Variants in ALG13 observed in about 807,000 individuals in gnomAD.
The protein encoded by ALG13 is UDP-N-acetylglucosamine transferase subunit ALG13.
ALG13 carries 11 observed loss-of-function variants against 87.8 expected under a neutral mutation model. The ratio of observed to expected loss-of-function variants is 0.13; its 90% CI spans 0.08 to 0.21. ALG13 has a LOEUF of 0.21. Among genes scored for constraint, ALG13 ranks in the 10% least tolerant of loss-of-function variants. The probability of loss-of-function intolerance (pLI) is 1.00; values close to 1 mark genes in which losing one functional copy is unlikely to be tolerated. For missense variants in ALG13, 756 were observed against 866.1 expected (o/e 0.87, Z 1.60); for synonymous variants, 320 against 306.3 (o/e 1.04, Z -0.47).
At chrX:111,690,046 A>G (rs2147785474) in intron 3 of ALG13, 1 of 741,900 alleles carries the variant, frequency 1.3e-6, no homozygotes, top group Non-Finnish European at 1.6e-6. Context: ...ACAGAATTGT[A>G]GACTTTTGGA....
At chrX:111,687,784 G>A in intron 3 of ALG13, 5 of 703,727 alleles carry the variant, frequency 7.1e-6, no homozygotes, top group East Asian at 4.1e-5. Context: ...GTTTTTAGAA[G>A]TACCACTATA....
rs1264667640 is a variant in ALG13 at position 111,682,074 on chromosome X, C to T, written c.82-58C>T. On this transcript the variant is annotated intron_variant, in intron 1 of 26. Transcript: ENST00000394780. The stretch of plus-strand genomic sequence containing the variant: ...CAAACTTTAGTAGTGGTGGTGGTTC[C>T]TGCTCTGTTTTACATAGCCAGTTTA... 15 of 1,058,927 alleles carry T rather than the reference C, an allele frequency of 1.4e-5. No individual in the cohort carries two copies. The East Asian group carries it at 4.3e-4, about 30-fold the overall frequency. 87.3% of individuals were successfully genotyped at this position (1,058,927 alleles called of 1,213,427 possible). A position where few individuals can be genotyped will look rare whatever the true frequency, so the allele number is the denominator to read the frequency against.
At chrX:111,737,595 G>A (rs149524537) in intron 23 of ALG13, among the ~76,000 whole-genome samples, 323 of 112,113 alleles carry the variant, frequency 2.9e-3, no homozygotes, top group African/African-American at 9.4e-3. Flanking sequence ...GATTTAAGCA[G>A]GTAGGGACAA....
intron 5 of ALG13, chrX:111,711,141 T>G (rs1939706767): frequency 8.9e-6 from 1 of 112,767 alleles, no homozygotes; most frequent in South Asian, 3.6e-4. Context: ...ATATTTTACA[T>G]TCAATAAAAC....
intron 25 of ALG13, among the ~76,000 whole-genome samples, chrX:111,756,885 C>T (rs889079298): frequency 8.9e-6 from 1 of 111,781 alleles, no homozygotes; most frequent in Admixed American, 9.5e-5. Flanking sequence ...AAACCGCTTG[C>T]CCCTTCTGTT....
At chrX:111,718,963 C>T (rs1569517720) in intron 10 of ALG13, among the ~76,000 whole-genome samples, 3 of 110,886 alleles carry the variant, frequency 2.7e-5, no homozygotes, top group East Asian at 2.8e-4. Flanking sequence ...AGGTAAGTGT[C>T]ACCTTGTGTT....
intron 8 of ALG13, among the ~76,000 whole-genome samples, chrX:111,715,953 G>A (rs973942986): frequency 1.8e-5 from 2 of 111,633 alleles, no homozygotes; most frequent in East Asian, 5.6e-4. Context: ...CTAGATAGAA[G>A]TACATACTTA....
chrX:111,689,526 G>A, intron 3 of ALG13: 3 of 752,910 alleles, frequency 4.0e-6, no homozygotes, highest in Non-Finnish European at 4.7e-6. Context: ...ATTTAGCAGA[G>A]GTTTAAGCCG....
intron 3 of ALG13, among the ~76,000 whole-genome samples, chrX:111,694,056 T>G (rs1194581689): frequency 9.0e-6 from 1 of 110,978 alleles, no homozygotes; most frequent in Non-Finnish European, 1.9e-5. Context: ...TATTTATTTT[T>G]TTTTTGAGAC....
Position 111,708,273 on chromosome X carries a change from C to T in ALG13, c.630C>T (p.Asn210=). The T allele has an allele frequency of 8.3e-7, 1 of 1,210,090 alleles. No individual in the cohort carries two copies. Among genetic ancestry groups the T allele is most frequent in the African/African-American group, 1.7e-5 (1 of 57,149 alleles). ...ACAAAATGCATAAAGGATGGAAAAA[C>T]TACTGCAGCCAGAAGTCTTTGAATG... ...TLYKMHKGWK[N]YCSQKSLNEA... The change falls in exon 4 of 27, where the codon AAC becomes AAT. Residue 210 remains asparagine (N), a synonymous_variant. Coordinates refer to ENST00000394780, the MANE Select transcript of ALG13 (RefSeq NM_001099922.3).
chrX:111,733,534 G>A (rs539807593), intron 21 of ALG13, among the ~76,000 whole-genome samples: 12 of 111,742 alleles, frequency 1.1e-4, no homozygotes, highest in Non-Finnish European at 2.3e-4. Context: ...TCCACTTGAT[G>A]ATTAATTGAT....
chrX:111,743,349 CTG>C (rs1943929407), intron 23 of ALG13, among the ~76,000 whole-genome samples: 1 of 112,046 alleles, frequency 8.9e-6, no homozygotes, highest in South Asian at 3.6e-4. Context: ...CCTCCCAAAA[CTG>C]TAAAAGTAGA....
Position 111,700,285 on chromosome X carries a change from T to C in ALG13, c.384-7742T>C, listed in dbSNP as rs758448677. 1.1e-4 allele frequency among the ~76,000 whole-genome samples: 12 copies of C among 111,210 alleles called. No homozygotes were observed. In the South Asian group the frequency reaches 4.5e-3, roughly 42 times the overall value. ...TCTAACCATTTTTTGGTGTAGTTTTTAGGTTTTTCTATATGTAAGAGCATG... is the reference window on the plus strand; with the variant it reads ...TCTAACCATTTTTTGGTGTAGTTTTCAGGTTTTTCTATATGTAAGAGCATG... On this transcript the variant is annotated intron_variant, in intron 3 of 26. Transcript: ENST00000394780.
chrX:111,711,799 T>G, intron 6 of ALG13, 74 bp downstream of exon 6: 2 of 1,019,560 alleles, frequency 2.0e-6, no homozygotes, highest in Non-Finnish European at 2.7e-6. Context: ...CATTCAACTG[T>G]ATTATTTTAG....
chrX:111,745,082 T>A lies in ALG13; in HGVS notation c.2932+178T>A, dbSNP rs181510117. On this transcript the variant is annotated intron_variant, in intron 24 of 26. Coordinates refer to ENST00000394780, the MANE Select transcript of ALG13 (RefSeq NM_001099922.3). Reference sequence around the variant, plus strand: ...TAAAAGCTGAAAACTGAGAATATCTTCTACATAATCAACAAGTGGATGGTT... The same window carrying A: ...TAAAAGCTGAAAACTGAGAATATCTACTACATAATCAACAAGTGGATGGTT... Among the ~76,000 whole-genome samples, 251 of 111,467 alleles carry A rather than the reference T, an allele frequency of 2.3e-3. 4 individuals carry two copies. Among genetic ancestry groups the A allele is most frequent in the Non-Finnish European group, 1.4e-3 (75 of 53,118 alleles).
intron 8 of ALG13, among the ~76,000 whole-genome samples, chrX:111,717,549 T>A (rs2148105403): frequency 9.3e-6 from 1 of 108,107 alleles, no homozygotes; most frequent in East Asian, 2.9e-4. Flanking sequence ...TCCTTTTTTT[T>A]TTTTTTTTTT....
intron 15 of ALG13, among the ~76,000 whole-genome samples, chrX:111,726,145 C>A (rs2148205762): frequency 9.2e-6 from 1 of 108,147 alleles, no homozygotes; most frequent in South Asian, 4.1e-4. Flanking sequence ...TGGGGTTTCA[C>A]CGTGTTAGCC....
Position 111,730,565 on chromosome X carries a change from A to G in ALG13, c.2442A>G (p.Ala814=), listed in dbSNP as rs1942573617. The part of the protein sequence containing the change: ...YETSGVYSTT[A]STANLSLQDR... ...CTTCAGGTGTTTATAGCACAACTGC[A>G]TCTACAGCAAACTTGGTAGGTATTT... The change falls in exon 21 of 27, where the codon GCA becomes GCG. Residue 814 remains alanine (A), a synonymous_variant. Coordinates refer to ENST00000394780, the MANE Select transcript of ALG13 (RefSeq NM_001099922.3). 6 of 1,185,858 alleles carry G rather than the reference A, an allele frequency of 5.1e-6. No individual in the cohort carries two copies. The highest frequency in any genetic ancestry group is 6.8e-6 in the Non-Finnish European group (6 of 880,814).
At chrX:111,684,831 A>G in intron 2 of ALG13, 134 bp from the exon 3 acceptor site, 1 of 556,508 alleles carries the variant, frequency 1.8e-6, no homozygotes, top group South Asian at 3.2e-5. Context: ...TGTCATTTTG[A>G]ATGTATAATT....
Sources: allele counts gnomAD v4.1 joint callset (sites outside exome capture counted in the v4.1 genomes callset), GRCh38; gene constraint gnomAD v4.1.1; transcripts MANE v1.5; gene names NCBI Gene and HGNC (gene_info 2026-07-23, HGNC 2026-07-21).